Variants in CORO6 observed in about 807,000 individuals in gnomAD.
CORO6 encodes the protein coronin-6.
A neutral mutation model predicts 49.0 loss-of-function variants in CORO6; 43 were observed. The ratio of observed to expected loss-of-function variants is 0.88; its 90% CI spans 0.69 to 1.13. The LOEUF (loss-of-function observed/expected upper bound fraction) is 1.13. Among genes scored for constraint, CORO6 ranks in the 50% most tolerant of loss-of-function variants. The pLI is 0.00. For synonymous variants in CORO6, 233 were observed against 256.5 expected, an observed-to-expected ratio of 0.91 and a Z score of 0.88; for missense variants, 650 against 647.0, an observed-to-expected ratio of 1.00 and a Z score of -0.05.
chr17:29,619,103 G>A lies in CORO6; in HGVS notation c.408C>T (p.Ile136=), dbSNP rs2035169810. Residue 136 remains isoleucine (I), a synonymous_variant, in exon 4 of 11, where the codon ATC becomes ATT. Coordinates refer to ENST00000388767, the MANE Select transcript of CORO6 (RefSeq NM_032854.4). ...TCCTGGCAGTAGGGTGCCAGGAGAG[G>A]ATGCCCACACGCTTGGAGTGGCCCT... ...TLEGHSKRVG[I]LSWHPTARNV... 1.2e-6 allele frequency: 2 copies of A among 1,613,502 alleles called. No homozygotes were observed. Among genetic ancestry groups the A allele is most frequent in the African/African-American group, 2.7e-5 (2 of 74,882 alleles).
intron 6 of CORO6, 151 bp from the exon 7 acceptor site, chr17:29,617,193 T>C: frequency 6.5e-7 from 1 of 1,539,368 alleles, no homozygotes; most frequent in African/African-American, 1.4e-5. Context: ...CCTGGGCACA[T>C]CTCTCCTCCT....
rs977610738 is a variant in CORO6 at position 29,616,413 on chromosome 17, G to T, written c.1005-77C>A. The T allele has an allele frequency of 1.6e-5, 23 of 1,415,464 alleles. No individual in the cohort carries two copies. In the Admixed American group the frequency reaches 4.7e-4, roughly 29 times the overall value. 87.7% of individuals were successfully genotyped at this position (1,415,464 alleles called of 1,614,324 possible). A position where few individuals can be genotyped will look rare whatever the true frequency, so the allele number is the denominator to read the frequency against. On this transcript the variant is annotated intron_variant, in intron 8 of 10. Coordinates refer to ENST00000388767, the MANE Select transcript of CORO6 (RefSeq NM_032854.4). This position sits in a 1 kb window ranked among gnomAD's most constrained non-coding sequence, Gnocchi z 5.6. ...CTCCTGTCTAAGACCAAGGGGGTTG[G>T]AGGCCAACACTTGCTCAGCGCCTAC...
chr17:29,618,218 T>C, intron 5 of CORO6: 1 of 1,321,448 alleles, frequency 7.6e-7, no homozygotes. Context: ...CCCCGACCGC[T>C]CTCGGCGCGC....
chr17:29,615,900 G>A, intron 10 of CORO6, 43 bp from the exon 11 acceptor site: 1 of 1,587,800 alleles, frequency 6.3e-7, no homozygotes, highest in South Asian at 1.1e-5. Flanking sequence ...AGGGGCGGTT[G>A]GGGGAGATGT....
At position 29,616,749 on chromosome 17, in the gene CORO6, A is replaced by G; in HGVS notation, c.957T>C (p.Gly319=). The part of the protein sequence containing the change: ...FSSKEPQRGM[G]FMPKRGLDVS... ...CATCCAGTCCCCTTTTGGGCATGAA[A>G]CCCATGCCCCGCTGCGGCTCTTTGC... Residue 319 remains glycine, a synonymous_variant, in exon 8 of 11, where the codon GGT becomes GGC. Coordinates refer to ENST00000388767, the MANE Select transcript of CORO6 (RefSeq NM_032854.4). The surrounding 1 kb of genome is among the most constrained non-coding windows in gnomAD (Gnocchi z 5.6). 1 of 1,613,488 alleles carries G rather than the reference A, an allele frequency of 6.2e-7. No individual in the cohort carries two copies. Among genetic ancestry groups the G allele is most frequent in the Non-Finnish European group, 8.5e-7 (1 of 1,179,838 alleles).
rs2034989239 is a variant in CORO6, at chr17:29,617,013, CTGCAG to C, written c.778_782del (p.Leu260GlyfsTer34). Reference sequence around the variant, plus strand: ...GGACCCCGTTGCTTGTGTCCATCTCCTGCAGTGCCACTGGCTCCTCGAAGTTGTTC... The same window carrying C: ...GGACCCCGTTGCTTGTGTCCATCTCCTGCCACTGGCTCCTCGAAGTTGTTC... On this transcript the variant is annotated frameshift_variant, in exon 7 of 11. Transcript: ENST00000388767. LOFTEE classifies it high-confidence loss of function. 6.2e-7 allele frequency: 1 copy of C among 1,613,650 alleles called. No homozygotes were observed. Among genetic ancestry groups the C allele is most frequent in the South Asian group, 1.1e-5 (1 of 91,092 alleles).
Position 29,617,514 on chromosome 17 carries a change from C to G in CORO6, c.739G>C (p.Gly247Arg). Residue 247 changes from glycine to arginine, a missense_variant, in exon 6 of 11, where the codon GGC (glycine) becomes CGC (arginine). Transcript: ENST00000388767. The stretch of plus-strand genomic sequence containing the variant: ...AGCTGCGTTACCGGGTCCCACAGGC[C>G]CAGCTCTCGCTGGCTCATGCGGGTG... The part of the protein sequence containing the change: ...GFTRMSQREL[G>R]LWDPNNFEEP... 6.2e-7 allele frequency: 1 copy of G among 1,610,080 alleles called. No individual in the cohort carries two copies. The highest frequency in any genetic ancestry group is 8.5e-7 in the Non-Finnish European group (1 of 1,179,554).
Position 29,618,944 on chromosome 17 carries a change from T to C in CORO6, c.479A>G (p.Asn160Ser). 1 of 1,613,750 alleles carries C rather than the reference T, an allele frequency of 6.2e-7. No homozygotes were observed. Among genetic ancestry groups the C allele is most frequent in the Non-Finnish European group, 8.5e-7 (1 of 1,179,970 alleles). The change falls in exon 5 of 11, where the codon AAT becomes AGT. Residue 160 changes from asparagine to serine, a missense_variant. Transcript: ENST00000388767. ...AGGDNVIIIW[N>S]VGTGEVLLSL... Reference sequence around the variant, plus strand: ...CAGCAGCACCTCCCCGGTGCCCACATTCCAGATGATGATCACATTGTCACC... The same window carrying C: ...CAGCAGCACCTCCCCGGTGCCCACACTCCAGATGATGATCACATTGTCACC...
chr17:29,620,430 TGAAATTTGAGCCCTGGGGCTGTGTCCCAG>T (rs1162333904), intron 2 of CORO6, among the ~76,000 whole-genome samples: 1 of 152,198 alleles, frequency 6.6e-6, no homozygotes, highest in African/African-American at 2.4e-5. Context: ...CAGCTCCGGC[TGAAATTTGAGCCCTGGGGCTGTGTCCCAG>T]GATGATGTCT....
rs1180215943 is a variant in CORO6 at position 29,617,495 on chromosome 17, G to A, written c.753+5C>T. The A allele has an allele frequency of 6.2e-7, 1 of 1,606,494 alleles. No homozygotes were observed. The highest frequency in any genetic ancestry group is 2.2e-5 in the East Asian group (1 of 44,864). Reference sequence around the variant, plus strand: ...GCACACACCCCAAGCCTCCAGCTGCGTTACCGGGTCCCACAGGCCCAGCTC... The same window carrying A: ...GCACACACCCCAAGCCTCCAGCTGCATTACCGGGTCCCACAGGCCCAGCTC... On this transcript the variant is annotated splice_donor_5th_base_variant and intron_variant, in intron 6 of 10. Transcript: ENST00000388767.
In CORO6 at chr17:29,621,989, T is replaced by G. The variant is rs1418685660; in HGVS notation, c.-63-505A>C. 1 of 156,806 alleles carries G rather than the reference T, an allele frequency of 6.4e-6. No individual in the cohort carries two copies. The highest frequency in any genetic ancestry group is 1.4e-5 in the Non-Finnish European group (1 of 70,822). The allele number at this position is 156,806 out of a possible 1,614,324, so 9.7% of individuals were successfully genotyped here. A position where few individuals can be genotyped will look rare whatever the true frequency, so the allele number is the denominator to read the frequency against. ...ATGGGGTTTTGCCTTTTCCTAAAAT[T>G]TTGCCAAGGGGGAAGTTCCTCCTGT... On this transcript the variant is annotated intron_variant, in intron 1 of 10. Transcript: ENST00000388767. This position sits in a 1 kb window ranked among gnomAD's most constrained non-coding sequence, Gnocchi z 4.2.
chr17:29,616,703 G>A lies in CORO6; in HGVS notation c.1003C>T (p.Arg335Trp). The change falls in exon 8 of 11, where the codon CGG (arginine) becomes TGG (tryptophan). Residue 335 changes from arginine to tryptophan, a missense_variant and splice_region_variant. Transcript: ENST00000388767. This position sits in a 1 kb window ranked among gnomAD's most constrained non-coding sequence, Gnocchi z 5.6. ...GLDVSKCEIA[R>W]FYKLHERKCE... ...TCAGGAGGGGCCAAGGCTGCTGACC[G>A]GGCGATCTCACACTTGCTGACATCC... 1 of 1,611,538 alleles carries A rather than the reference G, an allele frequency of 6.2e-7. No homozygotes were observed. The highest frequency in any genetic ancestry group is 8.5e-7 in the Non-Finnish European group (1 of 1,178,080).
Position 29,615,008 on chromosome 17 carries a change from G to A in CORO6, c.*724C>T, listed in dbSNP as rs1422749166. On this transcript the variant is annotated 3_prime_UTR_variant, in exon 11 of 11. Transcript: ENST00000388767. ...CTTAGTAAAATATTTCATTCAGTAC[G>A]TCTTGTTTTTCTGAGAGAGGCAACG... The A allele has an allele frequency of 6.6e-6, 1 of 152,270 alleles. No homozygotes were observed. The highest frequency in any genetic ancestry group is 2.4e-5 in the African/African-American group (1 of 41,452). The allele number at this position is 152,270 out of a possible 1,614,324, so 9.4% of individuals were successfully genotyped here.
Position 29,616,147 on chromosome 17 carries a change from G to C in CORO6, c.1091C>G (p.Pro364Arg). 1 of 1,613,416 alleles carries C rather than the reference G, an allele frequency of 6.2e-7. No homozygotes were observed. The highest frequency in any genetic ancestry group is 8.5e-7 in the Non-Finnish European group (1 of 1,179,926). The change falls in exon 10 of 11, where the codon CCG becomes CGG. Residue 364 changes from proline (P) to arginine (R), a missense_variant. Pro to Arg is a moderately radical substitution (Grantham distance 103, BLOSUM62 -2). Coordinates refer to ENST00000388767, the MANE Select transcript of CORO6 (RefSeq NM_032854.4). The surrounding 1 kb of genome is among the most constrained non-coding windows in gnomAD (Gnocchi z 5.6). ...KSDLFQDDLY[P>R]DTPGPEPALE... ...GGCCGGCTCCGGGCCTGGCGTATCC[G>C]GGTACAGATCGTCCTGGAAGAGGTC...
At chr17:29,617,428 T>TG in intron 6 of CORO6, 72 bp downstream of exon 6, 6 of 1,552,802 alleles carry the variant, frequency 3.9e-6, no homozygotes, top group African/African-American at 1.4e-5. Flanking sequence ...GCCCTGCGGG[T>TG]GGGGGGCGCC....
chr17:29,615,818 C>T lies in CORO6; in HGVS notation c.1333G>A (p.Ala445Thr), dbSNP rs1465868064. The change falls in exon 11 of 11, where the codon GCC (alanine) becomes ACC (threonine). Residue 445 changes from alanine to threonine, a missense_variant. Physicochemically the swap from Ala to Thr is moderately conservative, Grantham distance 58 (BLOSUM62 0). Transcript: ENST00000388767. Reference sequence around the variant, plus strand: ...TGGGCCTGCACCCGCTCGCGGAGGGCCTTGATCTCTTCCAGCAGCGTCTCC... The same window carrying T: ...TGGGCCTGCACCCGCTCGCGGAGGGTCTTGATCTCTTCCAGCAGCGTCTCC... ...TLETLLEEIK[A>T]LRERVQAQEQ... is the part of the protein sequence containing the mutation. The T allele has an allele frequency of 7.0e-6, 11 of 1,578,472 alleles. No individual in the cohort carries two copies. Among genetic ancestry groups the T allele is most frequent in the Non-Finnish European group, 9.5e-6 (11 of 1,163,542 alleles).
chr17:29,617,858 T>A, intron 5 of CORO6: 1 of 679,640 alleles, frequency 1.5e-6, no homozygotes, highest in Non-Finnish European at 2.3e-6. Flanking sequence ...CCCGAACCCT[T>A]AAGCGCGCTC....
At chr17:29,617,320 C>A in intron 6 of CORO6, 180 bp downstream of exon 6, 1 of 1,527,614 alleles carries the variant, frequency 6.5e-7, no homozygotes. Flanking sequence ...AGCGCAGGAT[C>A]CTTCACGCGA....
intron 2 of CORO6, among the ~76,000 whole-genome samples, chr17:29,620,924 C>T (rs558775801): frequency 6.6e-6 from 1 of 152,258 alleles, no homozygotes; most frequent in Admixed American, 6.5e-5. Flanking sequence ...TCTGGCCAGG[C>T]TTGGCTGTGC....
Sources: allele counts gnomAD v4.1 joint callset (sites outside exome capture counted in the v4.1 genomes callset), GRCh38; gene constraint gnomAD v4.1.1; non-coding constraint Gnocchi (gnomAD v3.1); transcripts MANE v1.5; gene names NCBI Gene and HGNC (gene_info 2026-07-23, HGNC 2026-07-21).